Variants in HSD11B1L observed in about 807,000 individuals in gnomAD.
HSD11B1L encodes the protein hydroxysteroid 11-beta dehydrogenase 1 like.
HSD11B1L carries 22 observed loss-of-function variants against 27.0 expected under a neutral mutation model. The observed-to-expected ratio is 0.81, with a 90% CI of 0.58 to 1.16. The LOEUF (loss-of-function observed/expected upper bound fraction) is 1.16. Among genes scored for constraint, HSD11B1L ranks in the 50% most tolerant of loss-of-function variants. The probability of loss-of-function intolerance (pLI) is 0.00; values close to 1 mark genes in which losing one functional copy is unlikely to be tolerated. For synonymous variants in HSD11B1L, 187 were observed against 189.2 expected (o/e 0.99, Z 0.09); for missense variants, 372 against 401.8 (o/e 0.93, Z 0.63).
At position 5,687,529 on chromosome 19, in the gene HSD11B1L, C is replaced by G; in HGVS notation, c.529C>G (p.Pro177Ala). 1 of 1,599,564 alleles carries G rather than the reference C, an allele frequency of 6.3e-7. No individual in the cohort carries two copies. Among genetic ancestry groups the G allele is most frequent in the South Asian group, 1.1e-5 (1 of 90,958 alleles). The stretch of plus-strand genomic sequence containing the variant: ...CCGCGTGCCCACGTCGTTCTCCACT[C>G]CCTACTCGGCGGCCAAGTTTGCGCT... Reference protein sequence around the residue: ...LGRVPTSFSTPYSAAKFALDG... With the variant: ...LGRVPTSFSTAYSAAKFALDG... Residue 177 changes from proline (P) to alanine (A), a missense_variant, in exon 7 of 8, where the codon CCC becomes GCC. Pro to Ala is a conservative substitution (Grantham distance 27). Transcript: ENST00000339423. This position sits in a 1 kb window ranked among gnomAD's most constrained non-coding sequence, Gnocchi z 6.6.
rs1416239246 is a variant in HSD11B1L at position 5,687,427 on chromosome 19, C to T, written c.502+52C>T. Reference sequence around the variant, plus strand: ...GGGACGGGGAGTGGGGAGCTCGATGCGGGTGAGCCTGGAGGGTCTGGGCAG... The same window carrying T: ...GGGACGGGGAGTGGGGAGCTCGATGTGGGTGAGCCTGGAGGGTCTGGGCAG... On this transcript the variant is annotated intron_variant, in intron 6 of 7. Coordinates refer to ENST00000339423, the MANE Select transcript of HSD11B1L (RefSeq NM_198706.3). The surrounding 1 kb of genome is among the most constrained non-coding windows in gnomAD (Gnocchi z 6.6). The T allele has an allele frequency of 5.6e-6, 9 of 1,601,022 alleles. No individual in the cohort carries two copies. The highest frequency in any genetic ancestry group is 7.6e-6 in the Non-Finnish European group (9 of 1,177,042).
chr19:5,682,493 C>T (rs908791978), intron 1 of HSD11B1L, among the ~76,000 whole-genome samples: 16 of 151,780 alleles, frequency 1.1e-4, no homozygotes, highest in Non-Finnish European at 2.1e-4. Context: ...ACCATGAGCT[C>T]GTGGGGGTGA....
intron 1 of HSD11B1L, chr19:5,684,160 C>T (rs556057548): frequency 2.8e-5 from 11 of 397,780 alleles, no homozygotes; most frequent in African/African-American, 1.0e-4. Flanking sequence ...GGATTACAGG[C>T]GCCTGCCACC....
At position 5,688,522 on chromosome 19, in the gene HSD11B1L, A is replaced by G. The variant is rs2054769966; in HGVS notation, c.*577A>G. On this transcript the variant is annotated 3_prime_UTR_variant, in exon 8 of 8. Transcript: ENST00000339423. ...AGAATAAAAACTCTTCTTCTCTTGC[A>G]TATCTGTTGTTCAAATTCCTTGGTA... The G allele has an allele frequency of 7.3e-6, 2 of 273,508 alleles. No homozygotes were observed. The highest frequency in any genetic ancestry group is 1.4e-5 in the Non-Finnish European group (2 of 144,380). The allele number at this position is 273,508 out of a possible 1,614,324, so 16.9% of individuals were successfully genotyped here.
At position 5,684,848 on chromosome 19, in the gene HSD11B1L, C is replaced by T. The variant is rs1429175515; in HGVS notation, c.16C>T (p.Leu6Phe). ...ACACAGGACCATGAAGGTGCTTCTC[C>T]TCACAGGGCTGGGGGCCCTGTTCTT... MKVLLLTGLGALFFAY... is the reference protein window; with the variant it reads MKVLLFTGLGALFFAY... The change falls in exon 2 of 8, where the codon CTC becomes TTC. Residue 6 changes from leucine (L) to phenylalanine (F), a missense_variant. By Grantham distance (22) the Leu-to-Phe change is conservative (BLOSUM62 0). Transcript: ENST00000339423. 2.5e-6 allele frequency: 4 copies of T among 1,613,856 alleles called. No individual in the cohort carries two copies. Among genetic ancestry groups the T allele is most frequent in the Admixed American group, 1.7e-5 (1 of 60,018 alleles).
chr19:5,682,036 G>A (rs1162191114), intron 1 of HSD11B1L, among the ~76,000 whole-genome samples: 1 of 152,210 alleles, frequency 6.6e-6, no homozygotes, highest in Non-Finnish European at 1.5e-5. Flanking sequence ...GGGCATGCCT[G>A]GTGTGTCTGG....
chr19:5,682,748 C>G (rs962968075), intron 1 of HSD11B1L, among the ~76,000 whole-genome samples: 1 of 151,490 alleles, frequency 6.6e-6, no homozygotes, highest in Non-Finnish European at 1.5e-5. Context: ...CTCAATGATC[C>G]GCTCCATCTG....
At chr19:5,684,955 C>T (rs368640117) in intron 2 of HSD11B1L, 34 bp from the exon 3 acceptor site, 4 of 1,612,794 alleles carry the variant, frequency 2.5e-6, no homozygotes. Flanking sequence ...CTGTCCTGTC[C>T]TCCGCCCAGA....
rs1211446715 is a variant in HSD11B1L at position 5,685,393 on chromosome 19, T to C, written c.204+274T>C. 1 of 560,900 alleles carries C rather than the reference T, an allele frequency of 1.8e-6. No individual in the cohort carries two copies. Among genetic ancestry groups the C allele is most frequent in the Non-Finnish European group, 3.4e-6 (1 of 298,156 alleles). 34.7% of individuals were successfully genotyped at this position (560,900 alleles called of 1,614,324 possible). On this transcript the variant is annotated intron_variant, in intron 3 of 7. Transcript: ENST00000339423. The surrounding 1 kb of genome is among the most constrained non-coding windows in gnomAD (Gnocchi z 4.3). The stretch of plus-strand genomic sequence containing the variant: ...GAGTTCAAGACCAGCCTGGCCAACA[T>C]GGCGAAACCTGGTCTCTACTAAGAA...
chr19:5,684,719 G>A, intron 1 of HSD11B1L, 100 bp from the exon 2 acceptor site: 1 of 1,572,454 alleles, frequency 6.4e-7, no homozygotes, highest in Non-Finnish European at 8.6e-7. Context: ...TGGATAGGAA[G>A]GCGTGGATCC....
chr19:5,686,405 G>T lies in HSD11B1L; in HGVS notation c.205-11G>T. ...GAGGAGAGGCCCACGGGCAGCTCTG[G>T]CCCCCCCCAGGTGGTAGGGAACTGC... is the stretch of plus-strand genomic sequence containing the variant. On this transcript the variant is annotated splice_polypyrimidine_tract_variant and intron_variant, in intron 3 of 7. Coordinates refer to ENST00000339423, the MANE Select transcript of HSD11B1L (RefSeq NM_198706.3). 6.5e-7 allele frequency: 1 copy of T among 1,528,284 alleles called. No individual in the cohort carries two copies. The highest frequency in any genetic ancestry group is 8.9e-7 in the Non-Finnish European group (1 of 1,128,010). The allele number at this position is 1,528,284 out of a possible 1,614,324, so 94.7% of individuals were successfully genotyped here.
rs775993083 is a variant in HSD11B1L, at chr19:5,687,277, T to C, written c.409-5T>C. On this transcript the variant is annotated splice_polypyrimidine_tract_variant and splice_region_variant and intron_variant, in intron 5 of 7. Transcript: ENST00000339423. The surrounding 1 kb of genome is among the most constrained non-coding windows in gnomAD (Gnocchi z 6.6). ...CTGCCGGTGACTCGCGAGTGCCGCCTGCAGGTAAACTTTGTGAGCTACGTG... is the reference window on the plus strand; with the variant it reads ...CTGCCGGTGACTCGCGAGTGCCGCCCGCAGGTAAACTTTGTGAGCTACGTG... 1 of 1,612,158 alleles carries C rather than the reference T, an allele frequency of 6.2e-7. No individual in the cohort carries two copies. Among genetic ancestry groups the C allele is most frequent in the Admixed American group, 1.7e-5 (1 of 60,006 alleles).
chr19:5,681,392 C>G (rs1417328778), intron 1 of HSD11B1L, 121 bp downstream of exon 1: 1 of 152,360 alleles, frequency 6.6e-6, no homozygotes, highest in East Asian at 1.9e-4. Context: ...CCCCATTTCT[C>G]CCGCATTTCG....
chr19:5,686,558 G>A, intron 4 of HSD11B1L, 31 bp downstream of exon 4: 1 of 1,520,206 alleles, frequency 6.6e-7, no homozygotes. Flanking sequence ...CCTGGAGTCC[G>A]GGACCGTGGC....
chr19:5,681,620 G>GTCCATCCATCCA (rs547679811), intron 1 of HSD11B1L, among the ~76,000 whole-genome samples: 20 of 149,632 alleles, frequency 1.3e-4, no homozygotes, highest in South Asian at 1.1e-3. Flanking sequence ...TCATCTATCC[G>GTCCATCCATCCA]TCCATCCATC....
Position 5,687,429 on chromosome 19 carries a change from G to A in HSD11B1L, c.502+54G>A. On this transcript the variant is annotated intron_variant, in intron 6 of 7. Coordinates refer to ENST00000339423, the MANE Select transcript of HSD11B1L (RefSeq NM_198706.3). The surrounding 1 kb of genome is among the most constrained non-coding windows in gnomAD (Gnocchi z 6.6). ...GACGGGGAGTGGGGAGCTCGATGCG[G>A]GTGAGCCTGGAGGGTCTGGGCAGGC... 6.2e-7 allele frequency: 1 copy of A among 1,601,192 alleles called. No homozygotes were observed. The highest frequency in any genetic ancestry group is 8.5e-7 in the Non-Finnish European group (1 of 1,177,418).
intron 1 of HSD11B1L, chr19:5,684,223 C>G: frequency 2.9e-6 from 1 of 344,416 alleles, no homozygotes; most frequent in Non-Finnish European, 5.2e-6. Context: ...ACCATGTTGG[C>G]CAGGCTGGTC....
Position 5,685,829 on chromosome 19 carries a change from C to T in HSD11B1L, c.205-587C>T, listed in dbSNP as rs1056611033. On this transcript the variant is annotated intron_variant, in intron 3 of 7. Transcript: ENST00000339423. This position sits in a 1 kb window ranked among gnomAD's most constrained non-coding sequence, Gnocchi z 4.3. ...TGAGTCAGGAGAATCACTTGAACCCCGGAGGCAGAGGTTGCAGTGAGCCGA... is the reference window on the plus strand; with the variant it reads ...TGAGTCAGGAGAATCACTTGAACCCTGGAGGCAGAGGTTGCAGTGAGCCGA... 2.6e-5 allele frequency among the ~76,000 whole-genome samples: 4 copies of T among 151,442 alleles called. No homozygotes were observed. Among genetic ancestry groups the T allele is most frequent in the Non-Finnish European group, 4.4e-5 (3 of 67,840 alleles).
chr19:5,687,200 C>CCTGGCCCCGCCCTCTGGGTTT lies in HSD11B1L; in HGVS notation c.409-68_409-48dup. The CCTGGCCCCGCCCTCTGGGTTT allele has an allele frequency of 6.8e-7, 1 of 1,477,062 alleles. No homozygotes were observed. The highest frequency in any genetic ancestry group is 2.3e-5 in the East Asian group (1 of 42,562). 91.5% of individuals were successfully genotyped at this position (1,477,062 alleles called of 1,614,324 possible). A position where few individuals can be genotyped will look rare whatever the true frequency, so the allele number is the denominator to read the frequency against. On this transcript the variant is annotated intron_variant, in intron 5 of 7. Coordinates refer to ENST00000339423, the MANE Select transcript of HSD11B1L (RefSeq NM_198706.3). The surrounding 1 kb of genome is among the most constrained non-coding windows in gnomAD (Gnocchi z 6.6). ...TTTCTGGCCCCGTCTCTGACCCGGC[C>CCTGGCCCCGCCCTCTGGGTTT]CTGGCCCCGCCCTCTGGGTTTCTGG... is the stretch of plus-strand genomic sequence containing the variant.
Sources: gnomAD v4.1 joint callset for allele counts (sites outside exome capture counted in the v4.1 genomes callset) on GRCh38, gnomAD v4.1.1 for gene constraint, Gnocchi (gnomAD v3.1) non-coding constraint, MANE v1.5 for transcripts, NCBI Gene and HGNC (gene_info 2026-07-23, HGNC 2026-07-21) for gene names.